Variants in SMYD1 observed in about 807,000 individuals in gnomAD.
SMYD1 encodes histone-lysine N-methyltransferase SMYD1.
Under a neutral mutation model 54.0 loss-of-function variants are expected in SMYD1, and 49 were observed. That is an observed-to-expected ratio of 0.91 (90% confidence interval 0.72 to 1.15). The LOEUF (loss-of-function observed/expected upper bound fraction) is 1.15, where lower values mean the gene tolerates loss of function less well. SMYD1 is among the 50% of genes most tolerant of loss of function. The pLI is 0.00. For synonymous variants in SMYD1, 269 were observed against 234.2 expected, an observed-to-expected ratio of 1.15 and a Z score of -1.36; for missense variants, 653 against 639.6, an observed-to-expected ratio of 1.02 and a Z score of -0.23.
At chr2:88,078,024 C>T (rs747527327) in intron 1 of SMYD1, among the ~76,000 whole-genome samples, 1 of 152,316 alleles carries the variant, frequency 6.6e-6, no homozygotes, top group South Asian at 2.1e-4. Context: ...CATGCCCGAC[C>T]AGGATGGGCA....
intron 2 of SMYD1, among the ~76,000 whole-genome samples, chr2:88,086,720 G>C (rs1438788016): frequency 1.3e-5 from 2 of 152,038 alleles, no homozygotes; most frequent in African/African-American, 4.8e-5. Context: ...CAAAAATAAA[G>C]TGGAATAAAA....
chr2:88,101,265 A>C (rs1447156142), intron 6 of SMYD1, among the ~76,000 whole-genome samples: 4 of 152,238 alleles, frequency 2.6e-5, no homozygotes, highest in Non-Finnish European at 5.9e-5. Context: ...GCAAATCGAA[A>C]GGAAGCTGTT....
chr2:88,068,789 T>C (rs962658345), intron 1 of SMYD1, among the ~76,000 whole-genome samples: 5 of 152,222 alleles, frequency 3.3e-5, no homozygotes, highest in African/African-American at 1.2e-4. Context: ...TAGATTCATA[T>C]GCCATATGAA....
At chr2:88,075,144 G>C (rs1558846377) in intron 1 of SMYD1, among the ~76,000 whole-genome samples, 1 of 152,202 alleles carries the variant, frequency 6.6e-6, no homozygotes, top group Non-Finnish European at 1.5e-5. Context: ...AGTCGACTTA[G>C]AATTCTGCTT....
At chr2:88,096,881 C>A in intron 6 of SMYD1, 97 bp downstream of exon 6, 3 of 1,253,306 alleles carry the variant, frequency 2.4e-6, no homozygotes, top group Non-Finnish European at 3.3e-6. Flanking sequence ...TGCCCATGAG[C>A]TTCCTAGGGA....
chr2:88,092,884 CTT>C (rs1674494455), intron 4 of SMYD1, among the ~76,000 whole-genome samples: 1 of 152,242 alleles, frequency 6.6e-6, no homozygotes, highest in African/African-American at 2.4e-5. Context: ...TCTAGGAACT[CTT>C]TCTTCTGTGT....
rs182869977 is a variant in SMYD1 at position 88,069,932 on chromosome 2, A to C, written c.137+1931A>C. Among the ~76,000 whole-genome samples the C allele has an allele frequency of 1.1e-3, 164 of 152,260 alleles. 1 individual carries two copies. The highest frequency in any genetic ancestry group is 3.7e-3 in the African/African-American group (155 of 41,552). On this transcript the variant is annotated intron_variant, in intron 1 of 9. Transcript: ENST00000419482. ...TACCTGCTGATGACTGGCCATTTGG[A>C]TTGTTTCCATGTTTTTGTTATTATA...
chr2:88,084,513 T>C (rs1251412763), intron 2 of SMYD1, 21 bp downstream of exon 2: 2 of 1,555,252 alleles, frequency 1.3e-6, no homozygotes, highest in Non-Finnish European at 1.8e-6. Context: ...GGCACCCTGG[T>C]GGTGCTTCAG....
At chr2:88,105,864 A>G (rs975692601) in intron 7 of SMYD1, among the ~76,000 whole-genome samples, 2 of 152,088 alleles carry the variant, frequency 1.3e-5, no homozygotes, top group Non-Finnish European at 2.9e-5. Context: ...CTTGAAGCTA[A>G]GACGGGGAGG....
At chr2:88,106,962 A>G (rs1403905673) in intron 8 of SMYD1, among the ~76,000 whole-genome samples, 2 of 152,144 alleles carry the variant, frequency 1.3e-5, no homozygotes, top group Admixed American at 1.3e-4. Flanking sequence ...GCATTTTGGG[A>G]GGCCGAGGCG....
At position 88,111,540 on chromosome 2, in the gene SMYD1, TA is replaced by T. The variant is rs1416974305; in HGVS notation, c.*1029del. On this transcript the variant is annotated 3_prime_UTR_variant, in exon 10 of 10. Coordinates refer to ENST00000419482, the MANE Select transcript of SMYD1 (RefSeq NM_198274.4). ...GGCCCCCATGAAGCTCCATTCTCAA[TA>T]CTGAATAATTATTACTTCCCTTGTT... 1.3e-5 allele frequency: 2 copies of T among 154,146 alleles called. No individual in the cohort carries two copies. Among genetic ancestry groups the T allele is most frequent in the African/African-American group, 2.4e-5 (1 of 41,476 alleles). The allele number at this position is 154,146 out of a possible 1,614,324, so 9.5% of individuals were successfully genotyped here. A position where few individuals can be genotyped will look rare whatever the true frequency, so the allele number is the denominator to read the frequency against.
chr2:88,096,305 G>T (rs2970911), intron 5 of SMYD1, among the ~76,000 whole-genome samples: 1 of 152,114 alleles, frequency 6.6e-6, no homozygotes, highest in South Asian at 2.1e-4. Flanking sequence ...GGGCATGGAC[G>T]TTCTGTCTGG....
Position 88,091,159 on chromosome 2 carries a change from G to A in SMYD1, c.659+17G>A, listed in dbSNP as rs1365428977. On this transcript the variant is annotated intron_variant, in intron 4 of 9. Coordinates refer to ENST00000419482, the MANE Select transcript of SMYD1 (RefSeq NM_198274.4). The stretch of plus-strand genomic sequence containing the variant: ...CAATGGCAAGTGAGTATGTCTTTAT[G>A]TGGGGGTGTGTGTGAAGGGGATGGG... 1 of 1,611,388 alleles carries A rather than the reference G, an allele frequency of 6.2e-7. No homozygotes were observed. Among genetic ancestry groups the A allele is most frequent in the South Asian group, 1.1e-5 (1 of 90,806 alleles).
rs1341906848 is a variant in SMYD1 at position 88,097,852 on chromosome 2, C to T, written c.888+1068C>T. Among the ~76,000 whole-genome samples the T allele has an allele frequency of 3.3e-5, 5 of 152,072 alleles. No individual in the cohort carries two copies. In the East Asian group the frequency reaches 5.8e-4, roughly 18 times the overall value. On this transcript the variant is annotated intron_variant, in intron 6 of 9. Coordinates refer to ENST00000419482, the MANE Select transcript of SMYD1 (RefSeq NM_198274.4). The stretch of plus-strand genomic sequence containing the variant: ...ACACCCATGTGCATGCAAGCATACT[C>T]GGTTTCCATACAGACAGAAGTAGGA...
chr2:88,097,098 C>T (rs947933752), intron 6 of SMYD1, among the ~76,000 whole-genome samples: 11 of 152,276 alleles, frequency 7.2e-5, no homozygotes, highest in South Asian at 4.2e-4. Context: ...GAGTGGCATA[C>T]GGAGTAGACA....
chr2:88,071,458 G>A (rs543036761), intron 1 of SMYD1, among the ~76,000 whole-genome samples: 2 of 152,238 alleles, frequency 1.3e-5, no homozygotes, highest in Admixed American at 1.3e-4. Flanking sequence ...GGAAAAGCAG[G>A]TACTCTTCTT....
intron 1 of SMYD1, among the ~76,000 whole-genome samples, chr2:88,069,639 A>T (rs1558844633): frequency 6.6e-6 from 1 of 152,220 alleles, no homozygotes; most frequent in Non-Finnish European, 1.5e-5. Context: ...CATTTCAAGA[A>T]GGTTAAAGTT....
At chr2:88,088,515 G>C (rs902614254) in intron 3 of SMYD1, among the ~76,000 whole-genome samples, 1 of 152,108 alleles carries the variant, frequency 6.6e-6, no homozygotes, top group African/African-American at 2.4e-5. Context: ...CCTCATCCTG[G>C]ACTCTGTCTT....
In SMYD1 at chr2:88,074,190, A is replaced by G. The variant is rs1395554553; in HGVS notation, c.137+6189A>G. Among the ~76,000 whole-genome samples, 4 of 152,220 alleles carry G rather than the reference A, an allele frequency of 2.6e-5. No homozygotes were observed. The East Asian group carries it at 7.7e-4, about 29-fold the overall frequency. ...GCCTTTAGTTCCCTTTGCTGCTGTC[A>G]CAAACTACTGTAACTTCAATGGCTG... is the stretch of plus-strand genomic sequence containing the variant. On this transcript the variant is annotated intron_variant, in intron 1 of 9. Transcript: ENST00000419482.
Sources: gnomAD v4.1 joint callset for allele counts (sites outside exome capture counted in the v4.1 genomes callset) on GRCh38, gnomAD v4.1.1 for gene constraint, MANE v1.5 for transcripts, NCBI Gene and HGNC (gene_info 2026-07-23, HGNC 2026-07-21) for gene names.